The following RASA3 variants were observed in gnomAD, a reference collection of about 807,000 sequenced individuals.
RASA3 encodes RAS p21 protein activator 3.
A neutral mutation model predicts 110.0 loss-of-function variants in RASA3; 73 were observed. The observed-to-expected ratio is 0.66, with a 90% CI of 0.55 to 0.81. RASA3 has a LOEUF of 0.81. Among genes scored for constraint, RASA3 ranks in the 30% least tolerant of loss-of-function variants. The probability of loss-of-function intolerance (pLI) is 0.00; values close to 1 mark genes in which losing one functional copy is unlikely to be tolerated. For missense variants in RASA3, 976 were observed against 1,113.2 expected (o/e 0.88, Z 1.75); for synonymous variants, 500 against 451.4 (o/e 1.11, Z -1.37).
At chr13:114,075,468 T>C (rs2079654192) in intron 1 of RASA3, among the ~76,000 whole-genome samples, 2 of 85,468 alleles carry the variant, frequency 2.3e-5, no homozygotes, top group Admixed American at 2.0e-4. Flanking sequence ...GCGCCGCGTA[T>C]CTCTGCGTGT....
chr13:114,108,215 GTGTC>G (rs1186355990), intron 1 of RASA3, among the ~76,000 whole-genome samples: 1 of 99,608 alleles, frequency 1.0e-5, no homozygotes, highest in Non-Finnish European at 2.0e-5. Flanking sequence ...CCATCACCCC[GTGTC>G]TGTCACCCCG....
chr13:114,031,230 C>T (rs1361790549), intron 4 of RASA3, among the ~76,000 whole-genome samples: 3 of 140,660 alleles, frequency 2.1e-5, no homozygotes, highest in Non-Finnish European at 4.6e-5. Context: ...TGTGCGTGTC[C>T]GTCTGTGTGC....
At chr13:113,991,121 C>T (rs113225004) in intron 22 of RASA3, among the ~76,000 whole-genome samples, 2 of 105,894 alleles carry the variant, frequency 1.9e-5, no homozygotes, top group African/African-American at 4.2e-5. Context: ...GCACGGACAC[C>T]CAGGGCATGT....
intron 7 of RASA3, among the ~76,000 whole-genome samples, chr13:114,026,280 G>A (rs1594344759): frequency 1.3e-5 from 2 of 152,206 alleles, no homozygotes; most frequent in South Asian, 4.1e-4. Context: ...GGGGGGAGCT[G>A]CCACCTGGAA....
At chr13:114,102,267 G>C (rs993575599) in intron 1 of RASA3, among the ~76,000 whole-genome samples, 1 of 152,128 alleles carries the variant, frequency 6.6e-6, no homozygotes, top group Non-Finnish European at 1.5e-5. Context: ...GGCAGGCAGC[G>C]GGCTGAGAAG....
chr13:114,096,014 G>A lies in RASA3; in HGVS notation c.56-22177C>T, dbSNP rs899429460. Among the ~76,000 whole-genome samples, 1 of 152,196 alleles carries A rather than the reference G, an allele frequency of 6.6e-6. No homozygotes were observed. Among genetic ancestry groups the A allele is most frequent in the African/African-American group, 2.4e-5 (1 of 41,460 alleles). On this transcript the variant is annotated intron_variant, in intron 1 of 23. Coordinates refer to ENST00000334062, the MANE Select transcript of RASA3 (RefSeq NM_007368.4). The surrounding 1 kb of genome is among the most constrained non-coding windows in gnomAD (Gnocchi z 5.1). ...AATCAACGTTAATTTTTCACACAAC[G>A]ACTGGGAAAATCTGCCTACAGGAAG...
At chr13:114,078,203 C>T (rs1264191216) in intron 1 of RASA3, among the ~76,000 whole-genome samples, 2 of 152,220 alleles carry the variant, frequency 1.3e-5, no homozygotes, top group Admixed American at 6.5e-5. Flanking sequence ...CACAGCTGAG[C>T]GGGACGGGGG....
chr13:114,062,894 G>A (rs987775203), intron 2 of RASA3, among the ~76,000 whole-genome samples: 2 of 152,212 alleles, frequency 1.3e-5, no homozygotes, highest in African/African-American at 2.4e-5. Context: ...CCAACCAACA[G>A]GCCACGCACA....
rs532870204 is a variant in RASA3 at position 114,017,228 on chromosome 13, C to T, written c.1206+9G>A. On this transcript the variant is annotated intron_variant, in intron 12 of 23. Transcript: ENST00000334062. ...TCGTGAGGCTGAGGACTCTCGGCCC[C>T]GTGCTCACCTCCTCGATGGCGGGCT... 45 of 1,610,212 alleles carry T rather than the reference C, an allele frequency of 2.8e-5. No homozygotes were observed. The South Asian group carries it at 3.5e-4, about 13-fold the overall frequency.
At chr13:114,110,039 G>A (rs1320442617) in intron 1 of RASA3, among the ~76,000 whole-genome samples, 2 of 152,240 alleles carry the variant, frequency 1.3e-5, no homozygotes, top group African/African-American at 2.4e-5. Context: ...CAGACCTCAG[G>A]GCCAGGCCCT....
chr13:114,016,284 T>G lies in RASA3; in HGVS notation c.1207-13A>C. On this transcript the variant is annotated splice_polypyrimidine_tract_variant and intron_variant, in intron 12 of 23. Coordinates refer to ENST00000334062, the MANE Select transcript of RASA3 (RefSeq NM_007368.4). ...GGCTCTGGCATATCTGGGGAGAGGT[T>G]TAAGACAGGGCTCTGTGAGTGGGTT... 1 of 1,562,152 alleles carries G rather than the reference T, an allele frequency of 6.4e-7. No homozygotes were observed. The highest frequency in any genetic ancestry group is 8.8e-7 in the Non-Finnish European group (1 of 1,133,100).
chr13:114,013,969 TCC>T (rs2053728434), intron 14 of RASA3, among the ~76,000 whole-genome samples: 1 of 142,266 alleles, frequency 7.0e-6, no homozygotes, highest in Non-Finnish European at 1.5e-5. Flanking sequence ...TCTCTCTCTC[TCC>T]GTCTCGATCT....
At chr13:114,028,230 A>ACT (rs1461563498) in intron 5 of RASA3, among the ~76,000 whole-genome samples, 8,030 of 150,168 alleles carry the variant, frequency 0.053, 1,145 homozygotes, top group Middle Eastern at 0.13. Context: ...CCCCTAAAAC[A>ACT]GTGTCATCCT....
chr13:114,002,085 C>A (rs764005528), intron 18 of RASA3, among the ~76,000 whole-genome samples: 5 of 152,232 alleles, frequency 3.3e-5, no homozygotes, highest in African/African-American at 1.2e-4. Flanking sequence ...TGACCAGAAC[C>A]GGCGGCCGAG....
At position 114,052,123 on chromosome 13, in the gene RASA3, A is replaced by G; in HGVS notation, c.206T>C (p.Ile69Thr). Residue 69 changes from isoleucine (I) to threonine (T), a missense_variant, in exon 3 of 24, where the codon ATT becomes ACT. Physicochemically the swap from Ile to Thr is moderately conservative, Grantham distance 89 (BLOSUM62 -1). Transcript: ENST00000334062. ...PFYGEDFYCE[I>T]PRSFRHLSFY... ...GGACAGGTGACGAAAGCTCCGAGGA[A>G]TTTCACAGTAAAAGTCTTCTCCGTA... 6.2e-7 allele frequency: 1 copy of G among 1,613,162 alleles called. No homozygotes were observed. The highest frequency in any genetic ancestry group is 8.5e-7 in the Non-Finnish European group (1 of 1,179,560).
intron 1 of RASA3, among the ~76,000 whole-genome samples, chr13:114,105,804 G>A (rs2080126404): frequency 6.6e-6 from 1 of 152,200 alleles, no homozygotes; most frequent in Admixed American, 6.5e-5. Context: ...ATATTTTTAA[G>A]AGAACATGAG....
rs375505148 is a variant in RASA3, at chr13:113,992,438, G to A, written c.2245+47C>T. 35 of 1,506,962 alleles carry A rather than the reference G, an allele frequency of 2.3e-5. No homozygotes were observed. In the African/African-American group the frequency reaches 3.4e-4, roughly 15 times the overall value. The allele number at this position is 1,506,962 out of a possible 1,614,324, so 93.3% of individuals were successfully genotyped here. A position where few individuals can be genotyped will look rare whatever the true frequency, so the allele number is the denominator to read the frequency against. ...AGCATGCTCCTGAGGCCGGGGCCTC[G>A]CCAGCCATCCCCTCGCTGCACAGAT... On this transcript the variant is annotated intron_variant, in intron 22 of 23. Coordinates refer to ENST00000334062, the MANE Select transcript of RASA3 (RefSeq NM_007368.4).
chr13:113,992,488 G>A lies in RASA3; in HGVS notation c.2242C>T (p.Gln748Ter). The change falls in exon 22 of 24, where the codon CAG becomes TAG. Residue 748 changes from glutamine (Q) to a stop codon, truncating the protein, a stop_gained. Transcript: ENST00000334062. LOFTEE classifies it high-confidence loss of function. ...NLYMSKLEKM[Q>*]EACGSKSVYD... The stretch of plus-strand genomic sequence containing the variant: ...TCTGTGTGCCGGGCAGACTCACCCT[G>A]CATCTTCTCCAGCTTGCTCATGTAC... 6.2e-7 allele frequency: 1 copy of A among 1,611,858 alleles called. No individual in the cohort carries two copies. The highest frequency in any genetic ancestry group is 8.5e-7 in the Non-Finnish European group (1 of 1,178,714).
chr13:113,984,641 C>T (rs1279730064), intron 22 of RASA3, among the ~76,000 whole-genome samples: 1 of 71,672 alleles, frequency 1.4e-5, no homozygotes, highest in Non-Finnish European at 3.2e-5. Context: ...CCCATCCATC[C>T]ATCCACCATC....
Sources: allele counts gnomAD v4.1 joint callset (sites outside exome capture counted in the v4.1 genomes callset), GRCh38; gene constraint gnomAD v4.1.1; non-coding constraint Gnocchi (gnomAD v3.1); transcripts MANE v1.5; gene names NCBI Gene and HGNC (gene_info 2026-07-23, HGNC 2026-07-21).